SLC5A8: variants seen among roughly 807,000 people sequenced by gnomAD.
The protein encoded by SLC5A8 is sodium-coupled monocarboxylate transporter 1.
A neutral mutation model predicts 71.9 loss-of-function variants in SLC5A8; 55 were observed. The observed-to-expected ratio is 0.77, with a 90% CI of 0.62 to 0.96. SLC5A8 has a LOEUF of 0.96. Ranked by LOEUF, SLC5A8 falls within the 40% of genes least tolerant of loss-of-function variation. The pLI is 0.00. For synonymous variants in SLC5A8, 307 were observed against 276.1 expected (o/e 1.11, Z -1.11); for missense variants, 701 against 745.3 (o/e 0.94, Z 0.69).
chr12:101,180,063 G>A lies in SLC5A8; in HGVS notation c.1199C>T (p.Ala400Val). 6.2e-7 allele frequency: 1 copy of A among 1,614,032 alleles called. No individual in the cohort carries two copies. ...AGCTCCCATAAGTGACGCCAGCGCA[G>A]CCATTCCAATACACAGGGCTCCATA... is the stretch of plus-strand genomic sequence containing the variant. ...VVYGALCIGM[A>V]ALASLMGALL... Residue 400 changes from alanine to valine, a missense_variant, in exon 10 of 15, where the codon GCT becomes GTT. Coordinates refer to ENST00000536262, the MANE Select transcript of SLC5A8 (RefSeq NM_145913.5).
intron 9 of SLC5A8, 130 bp downstream of exon 9, chr12:101,182,673 A>T: frequency 1.6e-6 from 1 of 607,136 alleles, no homozygotes; most frequent in Non-Finnish European, 2.9e-6. Context: ...GCATTGTCAT[A>T]GGCATACATA....
intron 5 of SLC5A8, among the ~76,000 whole-genome samples, chr12:101,191,266 C>T (rs762405359): frequency 3.9e-5 from 6 of 152,158 alleles, no homozygotes; most frequent in Non-Finnish European, 7.4e-5. Context: ...GCTCAACTTC[C>T]ATGTTTGAAA....
intron 13 of SLC5A8, 118 bp from the exon 14 acceptor site, chr12:101,158,446 C>T: frequency 1.5e-6 from 1 of 658,512 alleles, no homozygotes. Flanking sequence ...ATTCAAAAAA[C>T]ACAAAGAGAA....
chr12:101,160,356 A>G (rs554984137), intron 13 of SLC5A8, among the ~76,000 whole-genome samples: 4 of 152,356 alleles, frequency 2.6e-5, no homozygotes, highest in Admixed American at 2.6e-4. Context: ...AAATTTTATA[A>G]TTATAAATAC....
At chr12:101,196,809 T>A (rs1869195935) in intron 3 of SLC5A8, among the ~76,000 whole-genome samples, 1 of 152,186 alleles carries the variant, frequency 6.6e-6, no homozygotes, top group Non-Finnish European at 1.5e-5. Flanking sequence ...GGCTCTCAAT[T>A]GTGACTGCAC....
chr12:101,180,215 C>T (rs2051919306), intron 9 of SLC5A8, 119 bp from the exon 10 acceptor site: 3 of 999,032 alleles, frequency 3.0e-6, no homozygotes, highest in Non-Finnish European at 4.8e-6. Flanking sequence ...TGAAGAATGG[C>T]CACACACATC....
intron 10 of SLC5A8, among the ~76,000 whole-genome samples, chr12:101,176,871 C>T (rs999517856): frequency 4.0e-5 from 6 of 151,764 alleles, no homozygotes; most frequent in Middle Eastern, 6.8e-3. Flanking sequence ...GATCCCACCT[C>T]GAAAACAGCA....
intron 8 of SLC5A8, 34 bp from the exon 9 acceptor site, chr12:101,182,949 A>AT (rs1435020973): frequency 3.3e-6 from 4 of 1,220,128 alleles, no homozygotes; most frequent in Non-Finnish European, 4.4e-6. Flanking sequence ...GATTTATAAT[A>AT]TTTTACCTTT....
At position 101,175,345 on chromosome 12, in the gene SLC5A8, T is replaced by C. The variant is rs556011338; in HGVS notation, c.1233+4684A>G. On this transcript the variant is annotated intron_variant, in intron 10 of 14. Transcript: ENST00000536262. ...CTATAACAAAAATATTTAACATTCA[T>C]GTCATGAGAGTCCCAGAGGAAAAGA... Among the ~76,000 whole-genome samples the C allele has an allele frequency of 1.0e-3, 156 of 152,176 alleles. 1 individual carries two copies. The South Asian group carries it at 0.016, about 16-fold the overall frequency.
chr12:101,183,068 C>T (rs1456590140), intron 8 of SLC5A8, among the ~76,000 whole-genome samples, 153 bp from the exon 9 acceptor site: 2 of 58,144 alleles, frequency 3.4e-5, no homozygotes, highest in African/African-American at 1.8e-4. Context: ...TTTTTTGAGA[C>T]GGAGTCTCGC....
intron 9 of SLC5A8, among the ~76,000 whole-genome samples, chr12:101,181,608 G>T (rs1483842533): frequency 6.6e-6 from 1 of 152,136 alleles, no homozygotes; most frequent in Admixed American, 6.5e-5. Context: ...AGGCTTGTAT[G>T]GGTAACTGGA....
chr12:101,181,578 T>C (rs1454807908), intron 9 of SLC5A8, among the ~76,000 whole-genome samples: 1 of 152,228 alleles, frequency 6.6e-6, no homozygotes, highest in African/African-American at 2.4e-5. Context: ...TGTGTGCCCA[T>C]TTCCTATATA....
At chr12:101,206,040 CT>C (rs1869665023) in intron 1 of SLC5A8, among the ~76,000 whole-genome samples, 1 of 152,156 alleles carries the variant, frequency 6.6e-6, no homozygotes, top group Admixed American at 6.5e-5. Flanking sequence ...ATGTCAGGTT[CT>C]TTCTCTTTAA....
chr12:101,202,963 CAT>C (rs1869522204), intron 2 of SLC5A8, among the ~76,000 whole-genome samples: 1 of 152,190 alleles, frequency 6.6e-6, no homozygotes, highest in South Asian at 2.1e-4. Flanking sequence ...GATTATATTA[CAT>C]GAGTAGAGCT....
rs2051663117 is a variant in SLC5A8 at position 101,156,487 on chromosome 12, A to T, written c.*792T>A. On this transcript the variant is annotated 3_prime_UTR_variant, in exon 15 of 15. Transcript: ENST00000536262. ...CTTGAGACATATCCAAGCCCAGGGC[A>T]ATAAACAGAAAATTATGAAGACAAG... 1.3e-5 allele frequency: 2 copies of T among 152,204 alleles called. No individual in the cohort carries two copies. The highest frequency in any genetic ancestry group is 4.8e-5 in the African/African-American group (2 of 41,460). 9.4% of individuals were successfully genotyped at this position (152,204 alleles called of 1,614,324 possible). A position where few individuals can be genotyped will look rare whatever the true frequency, so the allele number is the denominator to read the frequency against.
At chr12:101,165,000 T>A (rs575773566) in intron 12 of SLC5A8, among the ~76,000 whole-genome samples, 1 of 152,306 alleles carries the variant, frequency 6.6e-6, no homozygotes, top group African/African-American at 2.4e-5. Context: ...ATTTACTATG[T>A]CTTAGTTTTT....
At position 101,171,158 on chromosome 12, in the gene SLC5A8, G is replaced by GT. The variant is rs201890540; in HGVS notation, c.1234-2977dup. On this transcript the variant is annotated intron_variant, in intron 10 of 14. Coordinates refer to ENST00000536262, the MANE Select transcript of SLC5A8 (RefSeq NM_145913.5). ...TTATACTTGTATTCAATCCAGGTCAGTTACCAGGTGTTTTGTTCACAAAGA... is the reference window on the plus strand; with the variant it reads ...TTATACTTGTATTCAATCCAGGTCAGTTTACCAGGTGTTTTGTTCACAAAGA... Among the ~76,000 whole-genome samples, 307 of 152,272 alleles carry GT rather than the reference G, an allele frequency of 2.0e-3. 1 individual carries two copies. The East Asian group carries it at 0.037, about 18-fold the overall frequency.
chr12:101,158,596 C>CTATATATA (rs1416083451), intron 13 of SLC5A8, among the ~76,000 whole-genome samples: 22 of 17,700 alleles, frequency 1.2e-3, no homozygotes, highest in Admixed American at 3.5e-3. Flanking sequence ...CTCTCTCTCT[C>CTATATATA]TCTATATATA....
intron 13 of SLC5A8, 147 bp downstream of exon 13, chr12:101,161,827 C>T: frequency 3.1e-6 from 2 of 646,608 alleles, no homozygotes; most frequent in Non-Finnish European, 5.3e-6. Context: ...AAGTCTAGGC[C>T]TTCAGATTTC....
Sources: gnomAD v4.1 joint callset for allele counts (sites outside exome capture counted in the v4.1 genomes callset) on GRCh38, gnomAD v4.1.1 for gene constraint, MANE v1.5 for transcripts, NCBI Gene and HGNC (gene_info 2026-07-23, HGNC 2026-07-21) for gene names.